The following JARID2 variants were observed in gnomAD, a reference collection of about 807,000 sequenced individuals.
The protein encoded by JARID2 is jumonji and AT-rich interaction domain containing 2.
In JARID2, 21 loss-of-function variants were observed where a neutral mutation model predicts 125.6. The observed-to-expected ratio is 0.17, with a 90% CI of 0.12 to 0.24. The LOEUF (loss-of-function observed/expected upper bound fraction) is 0.24. JARID2 is among the 10% of genes least tolerant of loss of function. The probability of loss-of-function intolerance (pLI) is 1.00; values close to 1 mark genes in which losing one functional copy is unlikely to be tolerated. For missense variants in JARID2, 1,303 were observed against 1,639.6 expected, an observed-to-expected ratio of 0.79 and a Z score of 3.55; for synonymous variants, 736 against 661.6, an observed-to-expected ratio of 1.11 and a Z score of -1.73.
At position 15,391,062 on chromosome 6, in the gene JARID2, T is replaced by G. The variant is rs189139594; in HGVS notation, c.181+16810T>G. On this transcript the variant is annotated intron_variant, in intron 2 of 17. Coordinates refer to ENST00000341776, the MANE Select transcript of JARID2 (RefSeq NM_004973.4). ...GGGCGATCATTATTGAGGTTGTAGA[T>G]ATACAGTACCCCGTGACTTCCTATT... is the stretch of plus-strand genomic sequence containing the variant. Among the ~76,000 whole-genome samples the G allele has an allele frequency of 2.0e-5, 3 of 152,338 alleles. No homozygotes were observed. The East Asian group carries it at 5.8e-4, about 29-fold the overall frequency.
At chr6:15,517,937 G>A (rs1181719010) in intron 17 of JARID2, among the ~76,000 whole-genome samples, 1 of 152,252 alleles carries the variant, frequency 6.6e-6, no homozygotes, top group East Asian at 1.9e-4. Context: ...AGGCCACTGA[G>A]TGGGGTGGGT....
At position 15,513,364 on chromosome 6, in the gene JARID2, A is replaced by C. The variant is rs765613492; in HGVS notation, c.3392A>C (p.Gln1131Pro). 2 of 1,613,300 alleles carry C rather than the reference A, an allele frequency of 1.2e-6. No individual in the cohort carries two copies. The highest frequency in any genetic ancestry group is 1.7e-6 in the Non-Finnish European group (2 of 1,179,816). The change falls in exon 16 of 18, where the codon CAG becomes CCG. Residue 1131 changes from glutamine (Q) to proline (P), a missense_variant. Around this residue, in one of 11 missense-constraint regions of JARID2, gnomAD observed 190 missense variants for 341.4 expected, o/e 0.56. Transcript: ENST00000341776. ...DGKKKPRKWL[Q>P]LETSERRCQI... ...AAGAAAAAGCCTCGAAAGTGGCTGC[A>C]GTTGGAGACGTCAGAGAGGAGGTGT...
intron 12 of JARID2, among the ~76,000 whole-genome samples, chr6:15,509,535 G>C (rs913323496): frequency 2.0e-5 from 3 of 148,970 alleles, no homozygotes; most frequent in African/African-American, 7.4e-5. Flanking sequence ...TGATGGGCCC[G>C]GGAAGCCCAG....
At chr6:15,281,622 G>A (rs1047849064) in intron 1 of JARID2, among the ~76,000 whole-genome samples, 1 of 152,254 alleles carries the variant, frequency 6.6e-6, no homozygotes. Context: ...TAAATGGAAT[G>A]TAAGGTTATG....
At chr6:15,407,911 T>C (rs1765716389) in intron 2 of JARID2, among the ~76,000 whole-genome samples, 1 of 152,216 alleles carries the variant, frequency 6.6e-6, no homozygotes, top group Non-Finnish European at 1.5e-5. Context: ...AATTGATCCC[T>C]TTTTTGCCTT....
At chr6:15,269,884 G>A (rs765228455) in intron 1 of JARID2, among the ~76,000 whole-genome samples, 2 of 152,188 alleles carry the variant, frequency 1.3e-5, no homozygotes, top group Non-Finnish European at 2.9e-5. Context: ...GGTAAACATG[G>A]TCTCAAGTTG....
At chr6:15,374,289 A>C in intron 2 of JARID2, 37 bp downstream of exon 2, 1 of 1,606,732 alleles carries the variant, frequency 6.2e-7, no homozygotes, top group African/African-American at 1.3e-5. Context: ...TGGAATGTAC[A>C]ATATCTCTGG....
intron 3 of JARID2, among the ~76,000 whole-genome samples, chr6:15,420,696 A>G (rs910180509): frequency 6.6e-5 from 10 of 152,068 alleles, no homozygotes; most frequent in African/African-American, 2.2e-4. Context: ...ATTCTTGAGC[A>G]TTGTTCTGAG....
chr6:15,501,563 G>A (rs1770737796), intron 8 of JARID2, among the ~76,000 whole-genome samples, 154 bp downstream of exon 8: 1 of 152,146 alleles, frequency 6.6e-6, no homozygotes, highest in Non-Finnish European at 1.5e-5. Flanking sequence ...CGCTGTATTA[G>A]TCCTCTCGTG....
intron 5 of JARID2, among the ~76,000 whole-genome samples, chr6:15,479,011 G>A (rs1186278148): frequency 1.3e-5 from 2 of 152,132 alleles, no homozygotes; most frequent in African/African-American, 2.4e-5. Flanking sequence ...CATTTTATTC[G>A]TGTGTTCTTT....
chr6:15,282,423 C>G (rs1402457258), intron 1 of JARID2, among the ~76,000 whole-genome samples: 3 of 152,158 alleles, frequency 2.0e-5, no homozygotes, highest in Non-Finnish European at 2.9e-5. Flanking sequence ...TTGCATTTCT[C>G]TGTTCTCAGC....
chr6:15,252,110 AT>A (rs1380842077), intron 1 of JARID2, among the ~76,000 whole-genome samples: 1 of 152,194 alleles, frequency 6.6e-6, no homozygotes, highest in Non-Finnish European at 1.5e-5. Flanking sequence ...GTCCACACAC[AT>A]TGCTTTGCAA....
Position 15,520,520 on chromosome 6 carries a change from C to T in JARID2, c.*269C>T, listed in dbSNP as rs1771783642. The stretch of plus-strand genomic sequence containing the variant: ...AGGGGCTGTATTAATTTGTATTGCC[C>T]CATGGCTGACAAAAGCCTTTTTTTT... On this transcript the variant is annotated 3_prime_UTR_variant, in exon 18 of 18. Transcript: ENST00000341776. 4.9e-6 allele frequency: 2 copies of T among 404,064 alleles called. No individual in the cohort carries two copies. The highest frequency in any genetic ancestry group is 2.8e-5 in the South Asian group (1 of 35,278). The allele number at this position is 404,064 out of a possible 1,614,324, so 25.0% of individuals were successfully genotyped here.
At chr6:15,268,274 A>G (rs149367342) in intron 1 of JARID2, among the ~76,000 whole-genome samples, 15 of 152,352 alleles carry the variant, frequency 9.8e-5, no homozygotes, top group Non-Finnish European at 1.5e-4. Flanking sequence ...GCTGTTGTCA[A>G]CAGTGGATAT....
At chr6:15,423,328 A>G (rs564488411) in intron 3 of JARID2, among the ~76,000 whole-genome samples, 2 of 152,240 alleles carry the variant, frequency 1.3e-5, no homozygotes, top group East Asian at 3.9e-4. Context: ...TTGGAAAGAA[A>G]GCTGAGGTCC....
Position 15,422,194 on chromosome 6 carries a change from G to T in JARID2, c.323+11829G>T, listed in dbSNP as rs187132716. Among the ~76,000 whole-genome samples, 757 of 152,332 alleles carry T rather than the reference G, an allele frequency of 5.0e-3. 9 individuals carry two copies. Among genetic ancestry groups the T allele is most frequent in the African/African-American group, 0.018 (733 of 41,570 alleles). On this transcript the variant is annotated intron_variant, in intron 3 of 17. Coordinates refer to ENST00000341776, the MANE Select transcript of JARID2 (RefSeq NM_004973.4). ...CTGTTGTTTCAGGTAGCTGCTGCAA[G>T]TAGATCTGTGATTACTTGTTGATTT...
Position 15,258,035 on chromosome 6 carries a change from G to T in JARID2, c.45+11451G>T, listed in dbSNP as rs1435005577. ...TGTATGAAATGCTTTTTGTTGTGAGGACATAGAGATACTTAAGTAATAAAG... is the reference window on the plus strand; with the variant it reads ...TGTATGAAATGCTTTTTGTTGTGAGTACATAGAGATACTTAAGTAATAAAG... On this transcript the variant is annotated intron_variant, in intron 1 of 17. Transcript: ENST00000341776. Among the ~76,000 whole-genome samples, 4 of 152,246 alleles carry T rather than the reference G, an allele frequency of 2.6e-5. No individual in the cohort carries two copies. The East Asian group carries it at 5.8e-4, about 22-fold the overall frequency.
chr6:15,282,105 A>G (rs942287116), intron 1 of JARID2, among the ~76,000 whole-genome samples: 1 of 151,936 alleles, frequency 6.6e-6, no homozygotes, highest in Non-Finnish European at 1.5e-5. Context: ...ATCATGCTCG[A>G]CCAATTTCTG....
intron 1 of JARID2, among the ~76,000 whole-genome samples, chr6:15,287,862 C>A (rs778198653): frequency 2.0e-5 from 3 of 152,186 alleles, no homozygotes; most frequent in Non-Finnish European, 2.9e-5. Flanking sequence ...TTGTATAATA[C>A]CCACTTCCCC....
Sources: gnomAD v4.1 joint callset for allele counts (sites outside exome capture counted in the v4.1 genomes callset) on GRCh38, gnomAD v4.1.1 for gene constraint, gnomAD v4.1.1 regional missense constraint, MANE v1.5 for transcripts, NCBI Gene and HGNC (gene_info 2026-07-23, HGNC 2026-07-21) for gene names.